The following EIF3D variants were observed in gnomAD, a reference collection of about 807,000 sequenced individuals.
EIF3D encodes eukaryotic translation initiation factor 3 subunit D, also known as eIF3 p66.
A neutral mutation model predicts 75.4 loss-of-function variants in EIF3D; 10 were observed. That is an observed-to-expected ratio of 0.13 (90% CI 0.08 to 0.22). EIF3D has a LOEUF of 0.22. EIF3D is among the 10% of genes least tolerant of loss of function. EIF3D has a pLI of 1.00. For missense variants in EIF3D, 394 were observed against 708.0 expected, an observed-to-expected ratio of 0.56 and a Z score of 5.03; for synonymous variants, 246 against 248.3, an observed-to-expected ratio of 0.99 and a Z score of 0.09.
Position 36,511,711 on chromosome 22 carries a change from C to T in EIF3D, c.1425G>A (p.Glu475=), listed in dbSNP as rs1934339838. 9 of 1,614,102 alleles carry T rather than the reference C, an allele frequency of 5.6e-6. No individual in the cohort carries two copies. The highest frequency in any genetic ancestry group is 6.8e-6 in the Non-Finnish European group (8 of 1,180,028). The change falls in exon 14 of 15, where the codon GAG becomes GAA. Residue 475 remains glutamate (E), a synonymous_variant. Coordinates refer to ENST00000216190, the MANE Select transcript of EIF3D (RefSeq NM_003753.4). The part of the protein sequence containing the change: ...ILGTQQFKPN[E]FASQINLSVE... The stretch of plus-strand genomic sequence containing the variant: ...CGCTCAGGTTGATCTGGCTGGCAAA[C>T]TCATTAGGCTTGAACTGCTGGGTGC...
rs150174169 is a variant in EIF3D, at chr22:36,520,373, G to C, written c.578+203C>G. 2.6e-5 allele frequency among the ~76,000 whole-genome samples: 4 copies of C among 152,260 alleles called. No individual in the cohort carries two copies. The East Asian group carries it at 7.7e-4, about 29-fold the overall frequency. The stretch of plus-strand genomic sequence containing the variant: ...GGGTTTCACCATGTTGGCCAGGCTG[G>C]TCTTGAACTCCTGACCTCAGGTGAC... On this transcript the variant is annotated intron_variant, in intron 7 of 14. Transcript: ENST00000216190.
intron 1 of EIF3D, 60 bp from the exon 2 acceptor site, chr22:36,526,191 C>A (rs766214342): frequency 2.4e-5 from 35 of 1,478,468 alleles, no homozygotes; most frequent in Non-Finnish European, 3.1e-5. Context: ...TACAAAACAC[C>A]CTCCATATGA....
rs10709824 is a variant in EIF3D at position 36,525,239 on chromosome 22, C to CTT, written c.169+423_169+424dup. On this transcript the variant is annotated intron_variant, in intron 3 of 14. Transcript: ENST00000216190. ...CAGGATCTTAAAACCAGGGGTTTTA[C>CTT]TTTTTTTTTTTTTTTTTTTTTTGGA... Among the ~76,000 whole-genome samples, 802 of 93,852 alleles carry CTT rather than the reference C, an allele frequency of 8.5e-3. 17 individuals are homozygous for CTT. Among genetic ancestry groups the CTT allele is most frequent in the African/African-American group, 0.027 (765 of 28,114 alleles). The allele number at this position is 93,852 out of a possible 152,430, so 61.6% of individuals were successfully genotyped here. A position where few individuals can be genotyped will look rare whatever the true frequency, so the allele number is the denominator to read the frequency against.
chr22:36,518,614 C>G, intron 9 of EIF3D, 149 bp downstream of exon 9: 1 of 998,654 alleles, frequency 1.0e-6, no homozygotes, highest in Non-Finnish European at 1.4e-6. Context: ...CTCCTAACCT[C>G]TAAAGAGTGT....
chr22:36,517,173 T>C, intron 10 of EIF3D, 128 bp downstream of exon 10: 1 of 1,256,490 alleles, frequency 8.0e-7, no homozygotes, highest in Non-Finnish European at 1.1e-6. Context: ...GTAACTCCCC[T>C]GCTAAAGGTG....
chr22:36,519,314 A>G, intron 8 of EIF3D, 91 bp downstream of exon 8: 6 of 1,556,208 alleles, frequency 3.9e-6, no homozygotes, highest in Non-Finnish European at 5.3e-6. Context: ...TACATACGTT[A>G]TTCCCATGTC....
At chr22:36,528,409 C>T (rs1306520266) in intron 1 of EIF3D, among the ~76,000 whole-genome samples, 1 of 140,532 alleles carries the variant, frequency 7.1e-6, no homozygotes, top group Non-Finnish European at 1.5e-5. Flanking sequence ...GATACCCTGG[C>T]TTTAATAAAT....
intron 4 of EIF3D, 82 bp from the exon 5 acceptor site, chr22:36,524,062 G>C (rs1934557977): frequency 1.5e-6 from 2 of 1,365,626 alleles, no homozygotes; most frequent in African/African-American, 1.4e-5. Flanking sequence ...GGTCTTTGGA[G>C]TAAATTTAGG....
chr22:36,512,832 C>T, intron 12 of EIF3D: 2 of 510,186 alleles, frequency 3.9e-6, no homozygotes, highest in Non-Finnish European at 7.0e-6. Flanking sequence ...CTCGCCTAGA[C>T]AGGGAATGAT....
At chr22:36,512,092 G>A (rs1327333863) in intron 13 of EIF3D, among the ~76,000 whole-genome samples, 2 of 151,960 alleles carry the variant, frequency 1.3e-5, no homozygotes, top group Admixed American at 1.3e-4. Context: ...GGGTTTCATC[G>A]TGTTAGCCAG....
Position 36,510,969 on chromosome 22 carries a change from C to T in EIF3D, c.*18G>A, listed in dbSNP as rs1481345250. 6.3e-7 allele frequency: 1 copy of T among 1,594,820 alleles called. No individual in the cohort carries two copies. The highest frequency in any genetic ancestry group is 8.5e-7 in the Non-Finnish European group (1 of 1,171,162). On this transcript the variant is annotated 3_prime_UTR_variant, in exon 15 of 15. Transcript: ENST00000216190. ...GTAGTCTCGGTGGAAGGACAAACTC[C>T]AGCTCCACATCACTGGTTTAAGTTT...
Position 36,525,645 on chromosome 22 carries a change from C to G in EIF3D, c.169+19G>C, listed in dbSNP as rs372502917. Reference sequence around the variant, plus strand: ...TTCCCAAGGCCCTGATTGGGGCATTCAGTTGCAGAAACACTTACTTGTGTA... The same window carrying G: ...TTCCCAAGGCCCTGATTGGGGCATTGAGTTGCAGAAACACTTACTTGTGTA... On this transcript the variant is annotated intron_variant, in intron 3 of 14. Coordinates refer to ENST00000216190, the MANE Select transcript of EIF3D (RefSeq NM_003753.4). The G allele has an allele frequency of 2.5e-6, 4 of 1,611,878 alleles. No individual in the cohort carries two copies. The highest frequency in any genetic ancestry group is 3.4e-6 in the Non-Finnish European group (4 of 1,179,404).
In EIF3D at chr22:36,523,189, T is replaced by C; in HGVS notation, c.465+20A>G. The C allele has an allele frequency of 6.2e-7, 1 of 1,607,278 alleles. No individual in the cohort carries two copies. The highest frequency in any genetic ancestry group is 8.5e-7 in the Non-Finnish European group (1 of 1,173,748). ...AACAGAACCAAATTCCAAGGCAGAA[T>C]TCTGGTATAAATACATTACCTGTGA... On this transcript the variant is annotated intron_variant, in intron 6 of 14. Coordinates refer to ENST00000216190, the MANE Select transcript of EIF3D (RefSeq NM_003753.4).
chr22:36,517,643 TC>T (rs1934448896), intron 9 of EIF3D: 3 of 475,726 alleles, frequency 6.3e-6, no homozygotes, highest in Non-Finnish European at 1.1e-5. Flanking sequence ...AACATTCAAT[TC>T]AATCACACAG....
chr22:36,518,978 G>A (rs1934470307), intron 8 of EIF3D, 68 bp from the exon 9 acceptor site: 3 of 1,580,002 alleles, frequency 1.9e-6, no homozygotes, highest in South Asian at 2.3e-5. Flanking sequence ...TCACATGGAT[G>A]GGAAAGAACT....
At position 36,523,992 on chromosome 22, in the gene EIF3D, C is replaced by T. The variant is rs376193132; in HGVS notation, c.307-12G>A. ...CTGCGGAGGTTCCTCTGGGCATCAG[C>T]AAGAAACATCCATGTTAAAATCTTG... is the stretch of plus-strand genomic sequence containing the variant. On this transcript the variant is annotated splice_polypyrimidine_tract_variant and intron_variant, in intron 4 of 14. Transcript: ENST00000216190. 4 of 1,613,768 alleles carry T rather than the reference C, an allele frequency of 2.5e-6. No homozygotes were observed. The highest frequency in any genetic ancestry group is 1.7e-6 in the Non-Finnish European group (2 of 1,179,852).
At chr22:36,523,808 A>T in intron 5 of EIF3D, 87 bp downstream of exon 5, 1 of 1,264,540 alleles carries the variant, frequency 7.9e-7, no homozygotes, top group Non-Finnish European at 1.2e-6. Flanking sequence ...GGTGGGGAAT[A>T]CAACCATCCT....
Position 36,512,524 on chromosome 22 carries a change from T to C in EIF3D, c.1285A>G (p.Ser429Gly). ...AVIATELKNNSYKLARWTCCA... is the reference protein window; with the variant it reads ...AVIATELKNNGYKLARWTCCA... Reference sequence around the variant, plus strand: ...CAGGTCCACCGGGCCAACTTGTAGCTGTTGTTCTTCAGCTCCGTGGCAATG... The same window carrying C: ...CAGGTCCACCGGGCCAACTTGTAGCCGTTGTTCTTCAGCTCCGTGGCAATG... Residue 429 changes from serine to glycine, a missense_variant, in exon 13 of 15, where the codon AGC becomes GGC. Ser to Gly is a moderately conservative substitution (Grantham distance 56, BLOSUM62 0). Transcript: ENST00000216190. 6.2e-7 allele frequency: 1 copy of C among 1,614,218 alleles called. No individual in the cohort carries two copies. Among genetic ancestry groups the C allele is most frequent in the Non-Finnish European group, 8.5e-7 (1 of 1,180,038 alleles).
At chr22:36,515,883 G>A (rs889390688) in intron 12 of EIF3D, among the ~76,000 whole-genome samples, 1 of 149,236 alleles carries the variant, frequency 6.7e-6, no homozygotes, top group Non-Finnish European at 1.5e-5. Context: ...TCTTTCAACA[G>A]GTGATGTGGG....
Sources: allele counts gnomAD v4.1 joint callset (sites outside exome capture counted in the v4.1 genomes callset), GRCh38; gene constraint gnomAD v4.1.1; transcripts MANE v1.5; gene names NCBI Gene and HGNC (gene_info 2026-07-23, HGNC 2026-07-21).